The following BMPER variants were observed in gnomAD, a reference collection of about 807,000 sequenced individuals.
The protein encoded by BMPER is BMP binding endothelial regulator.
Under a neutral mutation model 87.3 loss-of-function variants are expected in BMPER, and 45 were observed. The observed-to-expected ratio is 0.52, with a 90% CI of 0.41 to 0.66. The LOEUF (loss-of-function observed/expected upper bound fraction) is 0.66, where lower values mean the gene tolerates loss of function less well. BMPER is among the 30% of genes least tolerant of loss of function. The pLI, the probability that BMPER is intolerant of heterozygous loss-of-function variation, is 0.00. For missense variants in BMPER, 784 were observed against 867.5 expected (o/e 0.90, Z 1.21); for synonymous variants, 326 against 316.2 (o/e 1.03, Z -0.33).
intron 3 of BMPER, among the ~76,000 whole-genome samples, chr7:33,954,739 G>C (rs185457627): frequency 1.3e-5 from 2 of 152,304 alleles, no homozygotes; most frequent in South Asian, 2.1e-4. Context: ...TCCCATGAGT[G>C]CCTGCTTTAA....
chr7:34,152,057 A>C (rs772257000), intron 14 of BMPER, among the ~76,000 whole-genome samples: 1 of 152,200 alleles, frequency 6.6e-6, no homozygotes, highest in Non-Finnish European at 1.5e-5. Flanking sequence ...AAAGACTCAA[A>C]TTGAGGCCCG....
intron 11 of BMPER, among the ~76,000 whole-genome samples, chr7:34,077,240 C>A (rs920081277): frequency 6.6e-6 from 1 of 152,010 alleles, no homozygotes; most frequent in African/African-American, 2.4e-5. Context: ...GGAGAAAGGA[C>A]TGATAAATGC....
chr7:34,001,460 G>T (rs1364516060), intron 6 of BMPER, among the ~76,000 whole-genome samples: 1 of 151,394 alleles, frequency 6.6e-6, no homozygotes, highest in Non-Finnish European at 1.5e-5. Context: ...CTAATTTGTT[G>T]GCATACAGTT....
At chr7:33,962,466 G>C (rs1031267298) in intron 3 of BMPER, among the ~76,000 whole-genome samples, 1 of 152,132 alleles carries the variant, frequency 6.6e-6, no homozygotes, top group African/African-American at 2.4e-5. Context: ...TGAAAATGTT[G>C]AGCTGGTTAA....
At chr7:33,938,120 C>T (rs1784656544) in intron 3 of BMPER, among the ~76,000 whole-genome samples, 1 of 152,212 alleles carries the variant, frequency 6.6e-6, no homozygotes. Context: ...GATTTTCCCC[C>T]TCTGTGGTTT....
chr7:34,026,130 C>G (rs188598253), intron 6 of BMPER, among the ~76,000 whole-genome samples: 4 of 152,074 alleles, frequency 2.6e-5, no homozygotes, highest in African/African-American at 9.6e-5. Flanking sequence ...CTCTGGTGAG[C>G]TGGGATGATG....
chr7:33,929,177 A>G (rs1231433011), intron 2 of BMPER, among the ~76,000 whole-genome samples: 1 of 152,186 alleles, frequency 6.6e-6, no homozygotes, highest in Non-Finnish European at 1.5e-5. Context: ...TCTGGGGTAA[A>G]GACTCGTTGA....
intron 6 of BMPER, among the ~76,000 whole-genome samples, chr7:34,016,141 G>A (rs1252860853): frequency 6.6e-6 from 1 of 151,850 alleles, no homozygotes; most frequent in Non-Finnish European, 1.5e-5. Flanking sequence ...CTTTTGGGTG[G>A]CATTTATCAT....
chr7:33,987,530 T>A (rs547223978), intron 6 of BMPER, among the ~76,000 whole-genome samples: 32 of 152,268 alleles, frequency 2.1e-4, no homozygotes, highest in African/African-American at 6.5e-4. Flanking sequence ...AAGAGCCAAC[T>A]TGAAATACTG....
chr7:34,024,383 CAATATA>C (rs1787291955), intron 6 of BMPER, among the ~76,000 whole-genome samples: 10 of 7,248 alleles, frequency 1.4e-3, no homozygotes, highest in African/African-American at 5.3e-3. Context: ...AAAAAAAAAA[CAATATA>C]TATATATATA....
intron 13 of BMPER, among the ~76,000 whole-genome samples, chr7:34,112,353 A>G (rs931581277): frequency 4.0e-5 from 6 of 151,782 alleles, no homozygotes; most frequent in Non-Finnish European, 4.4e-5. Context: ...AAAATTAGCC[A>G]GGCGTGGTGG....
At chr7:34,132,976 T>C (rs1437361648) in intron 13 of BMPER, among the ~76,000 whole-genome samples, 1 of 152,068 alleles carries the variant, frequency 6.6e-6, no homozygotes, top group Non-Finnish European at 1.5e-5. Flanking sequence ...AGGGAAATCT[T>C]TTTTTTAAAT....
intron 13 of BMPER, among the ~76,000 whole-genome samples, chr7:34,112,543 C>G (rs1306358836): frequency 7.3e-6 from 1 of 137,166 alleles, no homozygotes; most frequent in Non-Finnish European, 1.6e-5. Flanking sequence ...AAGTAAAAAT[C>G]ACTTCATCCA....
chr7:33,990,238 C>T (rs1442812708), intron 6 of BMPER, among the ~76,000 whole-genome samples: 2 of 142,728 alleles, frequency 1.4e-5, no homozygotes, highest in Non-Finnish European at 3.0e-5. Flanking sequence ...TTGATTCTTC[C>T]TTCCCATGAG....
intron 4 of BMPER, among the ~76,000 whole-genome samples, chr7:33,968,989 T>C (rs1445796705): frequency 6.6e-6 from 1 of 152,234 alleles, no homozygotes; most frequent in African/African-American, 2.4e-5. Context: ...AGCATGGATC[T>C]TTTTGTGATG....
chr7:34,005,958 T>C (rs1786721020), intron 6 of BMPER, among the ~76,000 whole-genome samples: 1 of 152,076 alleles, frequency 6.6e-6, no homozygotes, highest in Non-Finnish European at 1.5e-5. Flanking sequence ...TGGATATTAA[T>C]ATTCTTGAAT....
At chr7:33,939,126 G>T (rs778902586) in intron 3 of BMPER, among the ~76,000 whole-genome samples, 1 of 152,140 alleles carries the variant, frequency 6.6e-6, no homozygotes, top group Admixed American at 6.5e-5. Context: ...CGTCTCTCAG[G>T]TAATAGAAGT....
At chr7:34,143,440 T>C in intron 14 of BMPER, 80 bp downstream of exon 14, 3 of 1,584,532 alleles carry the variant, frequency 1.9e-6, no homozygotes, top group Non-Finnish European at 1.7e-6. Flanking sequence ...TTGTGGATGC[T>C]GACATGAGTG....
At chr7:34,011,715 C>A (rs1786887023) in intron 6 of BMPER, among the ~76,000 whole-genome samples, 1 of 151,538 alleles carries the variant, frequency 6.6e-6, no homozygotes, top group Non-Finnish European at 1.5e-5. Flanking sequence ...AAACCTGTAC[C>A]CATCTTAGAA....
Sources: gnomAD v4.1 joint callset for allele counts (sites outside exome capture counted in the v4.1 genomes callset) on GRCh38, gnomAD v4.1.1 for gene constraint, MANE v1.5 for transcripts, NCBI Gene and HGNC (gene_info 2026-07-23, HGNC 2026-07-21) for gene names.